DDX24: variants seen among roughly 807,000 people sequenced by gnomAD.
DDX24 encodes the protein DEAD-box helicase 24, also known as ATP-dependent RNA helicase DDX24.
DDX24 carries 24 observed loss-of-function variants against 68.9 expected under a neutral mutation model. The observed-to-expected ratio is 0.35, with a 90% CI of 0.25 to 0.49. The LOEUF (loss-of-function observed/expected upper bound fraction) is 0.49, where lower values mean the gene tolerates loss of function less well. Ranked by LOEUF, DDX24 falls within the 20% of genes least tolerant of loss-of-function variation. The pLI is 0.99. For missense variants in DDX24, 989 were observed against 1,039.0 expected (o/e 0.95, Z 0.66); for synonymous variants, 395 against 385.2 (o/e 1.03, Z -0.30).
intron 2 of DDX24, 173 bp downstream of exon 2, chr14:94,078,852 C>T: frequency 3.0e-6 from 2 of 669,168 alleles, no homozygotes; most frequent in Non-Finnish European, 5.1e-6. Flanking sequence ...GGCTAGGATA[C>T]CATTCAAGAA....
At chr14:94,057,641 T>A in intron 6 of DDX24, 181 bp downstream of exon 6, 1 of 561,964 alleles carries the variant, frequency 1.8e-6, no homozygotes, top group South Asian at 2.5e-5. Flanking sequence ...CAAAGCAAGG[T>A]TTTCTGGAGA....
At chr14:94,066,034 C>T (rs970095125) in intron 2 of DDX24, among the ~76,000 whole-genome samples, 2 of 152,238 alleles carry the variant, frequency 1.3e-5, no homozygotes, top group African/African-American at 2.4e-5. Flanking sequence ...GGGGAGGGCA[C>T]GAATCCAGAC....
At chr14:94,069,953 C>T (rs1172603454) in intron 2 of DDX24, among the ~76,000 whole-genome samples, 1 of 152,106 alleles carries the variant, frequency 6.6e-6, no homozygotes, top group Non-Finnish European at 1.5e-5. Context: ...TGGAACAAGA[C>T]AAGGATGCCC....
At chr14:94,070,988 A>G (rs1357492842) in intron 2 of DDX24, among the ~76,000 whole-genome samples, 1 of 152,246 alleles carries the variant, frequency 6.6e-6, no homozygotes, top group Non-Finnish European at 1.5e-5. Flanking sequence ...AAGCAAATGC[A>G]ATAAAAACAA....
In DDX24 at chr14:94,060,945, C is replaced by A. The variant is rs1474350837; in HGVS notation, c.1365G>T (p.Lys455Asn). 4 of 1,614,192 alleles carry A rather than the reference C, an allele frequency of 2.5e-6. No homozygotes were observed. The highest frequency in any genetic ancestry group is 3.4e-6 in the Non-Finnish European group (4 of 1,180,020). ...GCCGAAGGTTCCTCAAATGATAATG[C>A]TTTTCTTTAATTAATTCCCACAGCC... The part of the protein sequence containing the change: ...PGRLWELIKE[K>N]HYHLRNLRQL... Residue 455 changes from lysine to asparagine, a missense_variant, in exon 4 of 9, where the codon AAG (lysine) becomes AAT (asparagine). Physicochemically the swap from Lys to Asn is moderately conservative, Grantham distance 94. Transcript: ENST00000621632.
At chr14:94,072,040 C>T (rs956497911) in intron 2 of DDX24, among the ~76,000 whole-genome samples, 3 of 152,128 alleles carry the variant, frequency 2.0e-5, no homozygotes, top group South Asian at 2.1e-4. Flanking sequence ...TGGAAAACAG[C>T]GTGGAGATTC....
At chr14:94,060,000 G>T in intron 5 of DDX24, 98 bp downstream of exon 5, 2 of 1,400,402 alleles carry the variant, frequency 1.4e-6, no homozygotes, top group Non-Finnish European at 1.9e-6. Flanking sequence ...AGGCCCCTAT[G>T]ACAGAAGGTG....
Position 94,079,420 on chromosome 14 carries a change from G to A in DDX24, c.323C>T (p.Ala108Val). Residue 108 changes from alanine (A) to valine (V), a missense_variant, in exon 2 of 9, where the codon GCA (alanine) becomes GTA (valine). Physicochemically the swap from Ala to Val is moderately conservative, Grantham distance 64. Around this residue, in one of 3 missense-constraint regions of DDX24, gnomAD observed 295 missense variants for 263.0 expected, o/e 1.12. Coordinates refer to ENST00000621632, the MANE Select transcript of DDX24 (RefSeq NM_020414.4). ...TTTCTGGGTACTGGTTCCTTCAGTT[G>A]CTACATTTTTACTTTTCTTCAACTT... is the stretch of plus-strand genomic sequence containing the variant. ...KIKLKKSKNV[A>V]TEGTSTQKEF... The A allele has an allele frequency of 6.2e-7, 1 of 1,613,934 alleles. No homozygotes were observed. Among genetic ancestry groups the A allele is most frequent in the East Asian group, 2.2e-5 (1 of 44,874 alleles).
At chr14:94,063,964 T>C (rs935226981) in intron 2 of DDX24, among the ~76,000 whole-genome samples, 2 of 149,472 alleles carry the variant, frequency 1.3e-5, no homozygotes, top group Non-Finnish European at 3.0e-5. Context: ...TAAAAATAAT[T>C]GTTTAAAGCA....
Position 94,079,244 on chromosome 14 carries a change from G to C in DDX24, c.499C>G (p.Gln167Glu), listed in dbSNP as rs1290750644. The C allele has an allele frequency of 6.2e-7, 1 of 1,614,180 alleles. No homozygotes were observed. The highest frequency in any genetic ancestry group is 8.5e-7 in the Non-Finnish European group (1 of 1,180,036). Residue 167 changes from glutamine to glutamate, a missense_variant, in exon 2 of 9, where the codon CAG becomes GAG. Coordinates refer to ENST00000621632, the MANE Select transcript of DDX24 (RefSeq NM_020414.4). ...NKGKKGLEPSQSTAAKVPKKA... is the reference protein window; with the variant it reads ...NKGKKGLEPSESTAAKVPKKA... Reference sequence around the variant, plus strand: ...TTGGGCACCTTGGCAGCAGTGCTCTGAGAAGGCTCCAACCCTTTTTTCCCT... The same window carrying C: ...TTGGGCACCTTGGCAGCAGTGCTCTCAGAAGGCTCCAACCCTTTTTTCCCT...
chr14:94,064,968 T>G (rs1455114615), intron 2 of DDX24, among the ~76,000 whole-genome samples: 3 of 152,178 alleles, frequency 2.0e-5, no homozygotes, highest in African/African-American at 7.2e-5. Context: ...GGATAACCAG[T>G]TGGTGTCCAC....
intron 5 of DDX24, 142 bp downstream of exon 5, chr14:94,059,956 C>CAA (rs36013055): frequency 0.061 from 49,781 of 813,452 alleles, 569 homozygotes; most frequent in Middle Eastern, 0.12. Context: ...AAATGCTGTG[C>CAA]AAAAAAAAAA....
rs115276703 is a variant in DDX24, at chr14:94,064,596, A to T, written c.719-1975T>A. On this transcript the variant is annotated intron_variant, in intron 2 of 8. Coordinates refer to ENST00000621632, the MANE Select transcript of DDX24 (RefSeq NM_020414.4). ...AAAATCTCTAAACGATGGAGTTCGG[A>T]TAGATTCCAGGGTGGTGTACCCAGG... is the stretch of plus-strand genomic sequence containing the variant. Among the ~76,000 whole-genome samples the T allele has an allele frequency of 6.6e-3, 1,004 of 152,352 alleles. 9 individuals carry two copies. Among genetic ancestry groups the T allele is most frequent in the African/African-American group, 0.023 (950 of 41,586 alleles).
At position 94,055,145 on chromosome 14, in the gene DDX24, G is replaced by T. The variant is rs753342303; in HGVS notation, c.2029C>A (p.Arg677=). The T allele has an allele frequency of 6.2e-7, 1 of 1,614,066 alleles. No individual in the cohort carries two copies. The highest frequency in any genetic ancestry group is 2.2e-5 in the East Asian group (1 of 44,882). The change falls in exon 7 of 9, where the codon CGA becomes AGA. Residue 677 remains arginine (R), a synonymous_variant. Transcript: ENST00000621632. The stretch of plus-strand genomic sequence containing the variant: ...CCTTCATTGGTAGCTCGAGCAGTTC[G>T]ACCACTTCGGTGGACATAAATCTCC... ...TSEIYVHRSG[R]TARATNEGLS...
Position 94,079,351 on chromosome 14 carries a change from T to C in DDX24, c.392A>G (p.Asp131Gly). 1 of 1,614,080 alleles carries C rather than the reference T, an allele frequency of 6.2e-7. No homozygotes were observed. The highest frequency in any genetic ancestry group is 8.5e-7 in the Non-Finnish European group (1 of 1,180,036). Residue 131 changes from aspartate (D) to glycine (G), a missense_variant, in exon 2 of 9, where the codon GAC (aspartate) becomes GGC (glycine). Physicochemically the swap from Asp to Gly is moderately conservative, Grantham distance 94. Coordinates refer to ENST00000621632, the MANE Select transcript of DDX24 (RefSeq NM_020414.4). ...KDPELEAQGD[D>G]MVCDDPEAGE... is the part of the protein sequence containing the mutation. ...AGCCTCCGGATCATCACAAACCATG[T>C]CATCTCCCTGGGCCTCCAGCTCAGG...
rs776107003 is a variant in DDX24, at chr14:94,062,275, C to A, written c.1065G>T (p.Glu355Asp). The stretch of plus-strand genomic sequence containing the variant: ...CTTTATCAAGATTTTCCTCCTCATT[C>A]TCATTCTGTTTGGGAACAGGTTTCT... ...IREKPVPKQN[E>D]NEEENLDKEQ... Residue 355 changes from glutamate to aspartate, a missense_variant, in exon 3 of 9, where the codon GAG (glutamate) becomes GAT (aspartate). Glu to Asp is a conservative substitution (Grantham distance 45, BLOSUM62 2). Around this residue, in one of 3 missense-constraint regions of DDX24, gnomAD observed 691 missense variants for 760.0 expected, o/e 0.91. Coordinates refer to ENST00000621632, the MANE Select transcript of DDX24 (RefSeq NM_020414.4). 5 of 1,614,176 alleles carry A rather than the reference C, an allele frequency of 3.1e-6. No individual in the cohort carries two copies. Among genetic ancestry groups the A allele is most frequent in the Non-Finnish European group, 4.2e-6 (5 of 1,180,020 alleles).
chr14:94,055,346 A>G (rs1885473395), intron 6 of DDX24, 162 bp from the exon 7 acceptor site: 2 of 681,382 alleles, frequency 2.9e-6, no homozygotes, highest in South Asian at 2.0e-5. Context: ...TTAGTCCCAC[A>G]TTCAAAATGT....
Position 94,062,859 on chromosome 14 carries a change from T to G in DDX24, c.719-238A>C, listed in dbSNP as rs949559708. On this transcript the variant is annotated intron_variant, in intron 2 of 8. Coordinates refer to ENST00000621632, the MANE Select transcript of DDX24 (RefSeq NM_020414.4). ...AGGTCTTAGGTCACCAGTAACGAATTACAAATGTCCAAGAAATGAAACAAT... is the reference window on the plus strand; with the variant it reads ...AGGTCTTAGGTCACCAGTAACGAATGACAAATGTCCAAGAAATGAAACAAT... 5.9e-5 allele frequency among the ~76,000 whole-genome samples: 9 copies of G among 152,148 alleles called. No individual in the cohort carries two copies. In the East Asian group the frequency reaches 1.7e-3, roughly 29 times the overall value.
At position 94,079,288 on chromosome 14, in the gene DDX24, G is replaced by C; in HGVS notation, c.455C>G (p.Pro152Arg). 1 of 1,613,810 alleles carries C rather than the reference G, an allele frequency of 6.2e-7. No homozygotes were observed. The highest frequency in any genetic ancestry group is 8.5e-7 in the Non-Finnish European group (1 of 1,179,976). Residue 152 changes from proline (P) to arginine (R), a missense_variant, in exon 2 of 9, where the codon CCA (proline) becomes CGA (arginine). Around this residue, in one of 3 missense-constraint regions of DDX24, gnomAD observed 295 missense variants for 263.0 expected, o/e 1.12. Coordinates refer to ENST00000621632, the MANE Select transcript of DDX24 (RefSeq NM_020414.4). ...TTTCCCTTTATTTTTCTTCTTTTTT[G>C]GAGCAGTTTGGACCAGGTTTTCTGA... is the stretch of plus-strand genomic sequence containing the variant. ...MTSENLVQTAPKKKKNKGKKG... is the reference protein window; with the variant it reads ...MTSENLVQTARKKKKNKGKKG...
Sources: allele counts gnomAD v4.1 joint callset (sites outside exome capture counted in the v4.1 genomes callset), GRCh38; gene constraint gnomAD v4.1.1; regional missense constraint gnomAD v4.1.1; transcripts MANE v1.5; gene names NCBI Gene and HGNC (gene_info 2026-07-23, HGNC 2026-07-21).